The following CHRM3 variants were observed in gnomAD, a reference collection of about 807,000 sequenced individuals.
CHRM3 encodes muscarinic acetylcholine receptor M3.
Under a neutral mutation model 41.8 loss-of-function variants are expected in CHRM3, and 11 were observed. The ratio of observed to expected loss-of-function variants is 0.26; its 90% CI spans 0.17 to 0.44. CHRM3 has a LOEUF of 0.44. CHRM3 is among the 20% of genes least tolerant of loss of function. The probability of loss-of-function intolerance (pLI) is 1.00; values close to 1 mark genes in which losing one functional copy is unlikely to be tolerated. For synonymous variants in CHRM3, 297 were observed against 301.4 expected (o/e 0.99, Z 0.15); for missense variants, 571 against 745.4 (o/e 0.77, Z 2.72).
At chr1:239,538,398 A>G (rs1336258614) in intron 2 of CHRM3, among the ~76,000 whole-genome samples, 1 of 151,668 alleles carries the variant, frequency 6.6e-6, no homozygotes, top group Non-Finnish European at 1.5e-5. Flanking sequence ...ACTCCACCTC[A>G]CCCCTCTATC....
At chr1:239,700,299 C>A (rs1014113295) in intron 5 of CHRM3, among the ~76,000 whole-genome samples, 1 of 152,014 alleles carries the variant, frequency 6.6e-6, no homozygotes, top group African/African-American at 2.4e-5. Context: ...TATGCCATTC[C>A]GTCTATAACA....
intron 6 of CHRM3, among the ~76,000 whole-genome samples, chr1:239,860,537 C>A (rs751630655): frequency 2.6e-5 from 4 of 152,140 alleles, no homozygotes; most frequent in Non-Finnish European, 4.4e-5. Context: ...GGAACATTTG[C>A]ACATACATCA....
chr1:239,477,124 C>T (rs901270105), intron 1 of CHRM3, among the ~76,000 whole-genome samples: 2 of 152,076 alleles, frequency 1.3e-5, no homozygotes, highest in South Asian at 2.1e-4. Context: ...ATGATTAAAG[C>T]GAACAGAATA....
At chr1:239,595,696 G>A (rs1572845168) in intron 3 of CHRM3, among the ~76,000 whole-genome samples, 1 of 152,192 alleles carries the variant, frequency 6.6e-6, no homozygotes, top group Admixed American at 6.5e-5. Context: ...ATTTTCTTTA[G>A]ACAAACAAGT....
intron 6 of CHRM3, among the ~76,000 whole-genome samples, chr1:239,876,486 C>A (rs1488940258): frequency 6.6e-6 from 1 of 152,178 alleles, no homozygotes; most frequent in African/African-American, 2.4e-5. Context: ...AGGATCCTAG[C>A]AGTTCTGTGT....
In CHRM3 at chr1:239,759,177, TTTTTGTTTTTTTTTTTTTTAG is replaced by T. The variant is rs1558518550; in HGVS notation, c.-146-68074_-146-68054del. Among the ~76,000 whole-genome samples, 9 of 145,100 alleles carry T rather than the reference TTTTTGTTTTTTTTTTTTTTAG, an allele frequency of 6.2e-5. No individual in the cohort carries two copies. In the East Asian group the frequency reaches 1.8e-3, roughly 30 times the overall value. ...TATGGGTTTTTTTTTTTGTTTTTTT[TTTTTGTTTTTTTTTTTTTTAG>T]AGAGAGGCTTATCCTGAATGTCTGC... On this transcript the variant is annotated intron_variant, in intron 5 of 6. Transcript: ENST00000676153.
chr1:239,426,510 A>C (rs1044043882), intron 1 of CHRM3, among the ~76,000 whole-genome samples: 2 of 151,902 alleles, frequency 1.3e-5, no homozygotes, highest in Non-Finnish European at 2.9e-5. Context: ...AAACCAAACC[A>C]AAACAAAATT....
chr1:239,520,052 A>G (rs538981943), intron 2 of CHRM3, among the ~76,000 whole-genome samples: 1 of 152,208 alleles, frequency 6.6e-6, no homozygotes, highest in East Asian at 1.9e-4. Context: ...TCTGTCTCCT[A>G]AGGCTCGAAA....
At chr1:239,879,445 T>C (rs1677402299) in intron 6 of CHRM3, among the ~76,000 whole-genome samples, 1 of 152,250 alleles carries the variant, frequency 6.6e-6, no homozygotes, top group South Asian at 2.1e-4. Flanking sequence ...TTTATATCCA[T>C]GTGTTAGCTC....
At chr1:239,388,453 G>T (rs919654339) in intron 1 of CHRM3, among the ~76,000 whole-genome samples, 2 of 151,916 alleles carry the variant, frequency 1.3e-5, no homozygotes, top group Non-Finnish European at 2.9e-5. Context: ...TTTTTAACTG[G>T]GTGCAGTGAT....
chr1:239,657,581 C>T (rs1484954092), intron 4 of CHRM3, among the ~76,000 whole-genome samples: 1 of 152,244 alleles, frequency 6.6e-6, no homozygotes, highest in African/African-American at 2.4e-5. Context: ...AAGGTTGCTA[C>T]AAGAACAGGC....
chr1:239,397,976 G>T (rs1659640879), intron 1 of CHRM3, among the ~76,000 whole-genome samples: 1 of 151,838 alleles, frequency 6.6e-6, no homozygotes, highest in Admixed American at 6.6e-5. Context: ...ATTTTGGAGA[G>T]ATAAGTCTTC....
chr1:239,887,194 C>T (rs1189254940), intron 6 of CHRM3, among the ~76,000 whole-genome samples: 2 of 151,730 alleles, frequency 1.3e-5, no homozygotes, highest in Non-Finnish European at 2.9e-5. Flanking sequence ...CATGAGTGCT[C>T]AAAAAGCTTT....
chr1:239,485,837 T>A (rs1667152859), intron 1 of CHRM3, among the ~76,000 whole-genome samples: 1 of 152,214 alleles, frequency 6.6e-6, no homozygotes, highest in Non-Finnish European at 1.5e-5. Flanking sequence ...TTCCACCTAA[T>A]GTTTTCTGTC....
At position 239,443,989 on chromosome 1, in the gene CHRM3, G is replaced by A. The variant is rs185275068; in HGVS notation, c.-520-48720G>A. ...ATCCATCTATATTTATTGTCTTAATGCTTACCAAAAAAGTAGGCTGTGAGG... is the reference window on the plus strand; with the variant it reads ...ATCCATCTATATTTATTGTCTTAATACTTACCAAAAAAGTAGGCTGTGAGG... On this transcript the variant is annotated intron_variant, in intron 1 of 6. Coordinates refer to ENST00000676153, the MANE Select transcript of CHRM3 (RefSeq NM_001375978.1). Among the ~76,000 whole-genome samples, 533 of 152,258 alleles carry A rather than the reference G, an allele frequency of 3.5e-3. 3 individuals carry two copies. The highest frequency in any genetic ancestry group is 6.7e-3 in the Admixed American group (102 of 15,278).
At chr1:239,479,987 T>C (rs1016732755) in intron 1 of CHRM3, among the ~76,000 whole-genome samples, 6 of 152,214 alleles carry the variant, frequency 3.9e-5, no homozygotes, top group Non-Finnish European at 8.8e-5. Context: ...AAGGCTATGG[T>C]GTCACTAGAC....
intron 3 of CHRM3, among the ~76,000 whole-genome samples, chr1:239,562,796 G>C (rs896516167): frequency 6.6e-6 from 1 of 151,052 alleles, no homozygotes; most frequent in Non-Finnish European, 1.5e-5. Context: ...GCTGAGGCAG[G>C]AGAATCACTT....
intron 5 of CHRM3, among the ~76,000 whole-genome samples, chr1:239,736,438 AC>A (rs943133383): frequency 6.6e-6 from 1 of 152,158 alleles, no homozygotes; most frequent in Admixed American, 6.6e-5. Context: ...AAAACTTGAT[AC>A]ATCATTATTT....
chr1:239,571,469 T>C (rs181700112), intron 3 of CHRM3, among the ~76,000 whole-genome samples: 34 of 152,242 alleles, frequency 2.2e-4, no homozygotes, highest in African/African-American at 8.2e-4. Context: ...GGAGCCCAGA[T>C]TGTTTAGTGT....
Sources: allele counts gnomAD v4.1 joint callset (sites outside exome capture counted in the v4.1 genomes callset), GRCh38; gene constraint gnomAD v4.1.1; transcripts MANE v1.5; gene names NCBI Gene and HGNC (gene_info 2026-07-23, HGNC 2026-07-21).